Variants in TSPAN18 observed in about 807,000 individuals in gnomAD.
The protein encoded by TSPAN18 is tetraspanin 18.
TSPAN18 carries 14 observed loss-of-function variants against 27.3 expected under a neutral mutation model. The observed-to-expected ratio is 0.51, with a 90% CI of 0.34 to 0.80. The LOEUF (loss-of-function observed/expected upper bound fraction) is 0.80, where lower values mean the gene tolerates loss of function less well. Among genes scored for constraint, TSPAN18 ranks in the 30% least tolerant of loss-of-function variants. The probability of loss-of-function intolerance (pLI) is 0.01; values close to 1 mark genes in which losing one functional copy is unlikely to be tolerated. For missense variants in TSPAN18, 268 were observed against 323.9 expected (o/e 0.83, Z 1.32); for synonymous variants, 143 against 136.5 (o/e 1.05, Z -0.33).
At chr11:44,783,634 C>T (rs375836702) in intron 2 of TSPAN18, among the ~76,000 whole-genome samples, 1 of 152,102 alleles carries the variant, frequency 6.6e-6, no homozygotes. Flanking sequence ...CCTGACCTCG[C>T]AGTCCGCCTG....
chr11:44,742,076 A>G (rs1854950529), intron 1 of TSPAN18, among the ~76,000 whole-genome samples: 1 of 152,204 alleles, frequency 6.6e-6, no homozygotes, highest in South Asian at 2.1e-4. Flanking sequence ...AACCTGCTGC[A>G]GCTATGGAAT....
chr11:44,799,452 C>T (rs1001583028), intron 2 of TSPAN18, among the ~76,000 whole-genome samples: 1 of 152,186 alleles, frequency 6.6e-6, no homozygotes, highest in South Asian at 2.1e-4. Context: ...CTCTTCTCAG[C>T]CCCCATTCAA....
intron 2 of TSPAN18, among the ~76,000 whole-genome samples, chr11:44,782,398 C>T (rs1445109533): frequency 6.6e-6 from 1 of 152,038 alleles, no homozygotes; most frequent in Non-Finnish European, 1.5e-5. Flanking sequence ...AAAAAATTAG[C>T]TGAGCGTAGT....
intron 2 of TSPAN18, among the ~76,000 whole-genome samples, chr11:44,844,480 C>G (rs541046825): frequency 1.3e-5 from 2 of 152,148 alleles, no homozygotes; most frequent in Non-Finnish European, 2.9e-5. Flanking sequence ...TTCTAGTTGC[C>G]CTACCTCCTC....
At chr11:44,848,410 G>A (rs928136293) in intron 2 of TSPAN18, among the ~76,000 whole-genome samples, 19 of 152,192 alleles carry the variant, frequency 1.2e-4, no homozygotes, top group Admixed American at 5.9e-4. Context: ...CGCCCTTAGC[G>A]ACCACTGATG....
Position 44,909,764 on chromosome 11 carries a change from C to A in TSPAN18, c.123C>A (p.Phe41Leu), listed in dbSNP as rs1385893272. 1 of 1,613,764 alleles carries A rather than the reference C, an allele frequency of 6.2e-7. No individual in the cohort carries two copies. ...GGGTCATGGTGGACCCCACCGGCTT[C>A]CGGGAGATCGTGGCTGCCAATCCTC... is the stretch of plus-strand genomic sequence containing the variant. ...GIWVMVDPTG[F>L]REIVAANPLL... Residue 41 changes from phenylalanine (F) to leucine (L), a missense_variant, in exon 5 of 10, where the codon TTC (phenylalanine) becomes TTA (leucine). By Grantham distance (22) the Phe-to-Leu change is conservative. Transcript: ENST00000520358.
chr11:44,892,045 T>G (rs1404929508), intron 3 of TSPAN18, among the ~76,000 whole-genome samples: 2 of 152,134 alleles, frequency 1.3e-5, no homozygotes, highest in Non-Finnish European at 2.9e-5. Context: ...CCTGCCCCCT[T>G]GTGCCTACAG....
rs141562867 is a variant in TSPAN18, at chr11:44,909,789, C to T, written c.148C>T (p.Leu50=). 3.9e-3 allele frequency: 6,311 copies of T among 1,614,082 alleles called. 31 individuals are homozygous for T. Among genetic ancestry groups the T allele is most frequent in the Non-Finnish European group, 4.3e-3 (5,038 of 1,180,032 alleles). The part of the protein sequence containing the change: ...GFREIVAANP[L]LLTGAYILLA... ...CCGGGAGATCGTGGCTGCCAATCCT[C>T]TGCTCCTCACGGGCGCCTACATCCT... Residue 50 remains leucine, a synonymous_variant, in exon 5 of 10, where the codon CTG becomes TTG. Coordinates refer to ENST00000520358, the MANE Select transcript of TSPAN18 (RefSeq NM_130783.5).
At chr11:44,900,680 C>CTTTTTTTTTTT (rs72469181) in intron 3 of TSPAN18, among the ~76,000 whole-genome samples, 3 of 49,702 alleles carry the variant, frequency 6.0e-5, no homozygotes, top group African/African-American at 2.7e-4. Flanking sequence ...TTGAGGAAGG[C>CTTTTTTTTTTT]TTTTTTTTTT....
intron 2 of TSPAN18, among the ~76,000 whole-genome samples, chr11:44,776,338 G>A (rs1321706936): frequency 2.0e-5 from 3 of 152,212 alleles, no homozygotes; most frequent in South Asian, 4.1e-4. Context: ...AGAGACAGCT[G>A]TGGTATTGGC....
At chr11:44,911,019 C>A (rs1475716967) in intron 5 of TSPAN18, among the ~76,000 whole-genome samples, 1 of 152,210 alleles carries the variant, frequency 6.6e-6, no homozygotes, top group Non-Finnish European at 1.5e-5. Context: ...TCCTGGATTC[C>A]CATGGGTGGT....
chr11:44,869,697 G>T lies in TSPAN18; in HGVS notation c.-11+9228G>T, dbSNP rs188381009. On this transcript the variant is annotated intron_variant, in intron 3 of 9. Coordinates refer to ENST00000520358, the MANE Select transcript of TSPAN18 (RefSeq NM_130783.5). ...ATGACTTTATCCTAACTCAGAGGCCGCAGACCACAGGATGCCCTGAGCTGT... is the reference window on the plus strand; with the variant it reads ...ATGACTTTATCCTAACTCAGAGGCCTCAGACCACAGGATGCCCTGAGCTGT... Among the ~76,000 whole-genome samples the T allele has an allele frequency of 7.8e-4, 119 of 152,244 alleles. 2 individuals are homozygous for T. Among genetic ancestry groups the T allele is most frequent in the African/African-American group, 2.7e-3 (114 of 41,536 alleles).
At chr11:44,804,630 G>C (rs1182971407) in intron 2 of TSPAN18, among the ~76,000 whole-genome samples, 2 of 152,192 alleles carry the variant, frequency 1.3e-5, no homozygotes, top group South Asian at 2.1e-4. Context: ...CTGGCGAGCA[G>C]CGATGAGGGA....
At chr11:44,917,941 T>C (rs774707026) in intron 5 of TSPAN18, 31 bp from the exon 6 acceptor site, 3 of 1,612,780 alleles carry the variant, frequency 1.9e-6, no homozygotes, top group South Asian at 1.1e-5. Flanking sequence ...GCCTGCCCTC[T>C]GGGCTCACAA....
intron 8 of TSPAN18, among the ~76,000 whole-genome samples, chr11:44,924,154 C>G (rs372215380): frequency 6.9e-6 from 1 of 144,234 alleles, no homozygotes; most frequent in East Asian, 2.1e-4. Context: ...TGACACCCAA[C>G]TCTATGCTCA....
chr11:44,931,175 G>C lies in TSPAN18; in HGVS notation c.*1997G>C, dbSNP rs836002. On this transcript the variant is annotated 3_prime_UTR_variant, in exon 10 of 10. Transcript: ENST00000520358. ...GGCAACCCCATAAATGACACCTGAGGTCCGTAGAAGCTAAGCTCCTGAGAC... is the reference window on the plus strand; with the variant it reads ...GGCAACCCCATAAATGACACCTGAGCTCCGTAGAAGCTAAGCTCCTGAGAC... 307,827 of 347,660 alleles carry C rather than the reference G, an allele frequency of 0.89. 136,408 individuals carry two copies. The highest frequency in any genetic ancestry group is 0.93 in the Admixed American group (24,129 of 25,998). The allele number at this position is 347,660 out of a possible 1,614,324, so 21.5% of individuals were successfully genotyped here. A position where few individuals can be genotyped will look rare whatever the true frequency, so the allele number is the denominator to read the frequency against.
chr11:44,749,795 C>T (rs1346977548), intron 1 of TSPAN18, among the ~76,000 whole-genome samples: 1 of 152,050 alleles, frequency 6.6e-6, no homozygotes, highest in Non-Finnish European at 1.5e-5. Context: ...CGCTACCATG[C>T]CCGGCTAATT....
chr11:44,919,268 G>A lies in TSPAN18; in HGVS notation c.388G>A (p.Asp130Asn), dbSNP rs201625013. 108 of 1,613,936 alleles carry A rather than the reference G, an allele frequency of 6.7e-5. No individual in the cohort carries two copies. The highest frequency in any genetic ancestry group is 2.7e-4 in the Admixed American group (16 of 60,002). The stretch of plus-strand genomic sequence containing the variant: ...CACCAAGCACTACCAGGGCAATAAC[G>A]ACACAGACGTCTTCTCTGCCACCTG... ...ELTKHYQGNN[D>N]TDVFSATWNS... is the part of the protein sequence containing the mutation. Residue 130 changes from aspartate (D) to asparagine (N), a missense_variant, in exon 7 of 10, where the codon GAC becomes AAC. Transcript: ENST00000520358.
intron 2 of TSPAN18, among the ~76,000 whole-genome samples, chr11:44,857,691 A>G (rs1857773330): frequency 6.6e-6 from 1 of 152,164 alleles, no homozygotes; most frequent in Non-Finnish European, 1.5e-5. Context: ...TGGGATGACC[A>G]GGGCCTTGTG....
Sources: gnomAD v4.1 joint callset for allele counts (sites outside exome capture counted in the v4.1 genomes callset) on GRCh38, gnomAD v4.1.1 for gene constraint, MANE v1.5 for transcripts, NCBI Gene and HGNC (gene_info 2026-07-23, HGNC 2026-07-21) for gene names.